The following CTIF variants were observed in gnomAD, a reference collection of about 807,000 sequenced individuals.
The protein encoded by CTIF is cap binding complex dependent translation initiation factor, also known as CBP80/20-dependent translation initiation factor.
In CTIF, 21 loss-of-function variants were observed where a neutral mutation model predicts 66.0. That is an observed-to-expected ratio of 0.32 (90% CI 0.23 to 0.46). CTIF has a LOEUF of 0.46. Ranked by LOEUF, CTIF falls within the 20% of genes least tolerant of loss-of-function variation. The probability of loss-of-function intolerance (pLI) is 1.00; values close to 1 mark genes in which losing one functional copy is unlikely to be tolerated. For synonymous variants in CTIF, 345 were observed against 326.4 expected, an observed-to-expected ratio of 1.06 and a Z score of -0.62; for missense variants, 739 against 812.7, an observed-to-expected ratio of 0.91 and a Z score of 1.10.
intron 7 of CTIF, among the ~76,000 whole-genome samples, chr18:48,718,724 C>A (rs919796591): frequency 2.0e-5 from 3 of 152,124 alleles, no homozygotes; most frequent in Admixed American, 6.5e-5. Context: ...AATGTCTTAC[C>A]AGCTAACTGG....
intron 3 of CTIF, among the ~76,000 whole-genome samples, chr18:48,657,964 T>C (rs889326536): frequency 6.6e-6 from 1 of 151,680 alleles, no homozygotes; most frequent in African/African-American, 2.4e-5. Flanking sequence ...GAGGTGAGGG[T>C]GGTGGGAGAG....
intron 1 of CTIF, among the ~76,000 whole-genome samples, chr18:48,550,904 G>C (rs181587671): frequency 4.6e-5 from 7 of 152,078 alleles, no homozygotes; most frequent in Non-Finnish European, 7.4e-5. Context: ...AACCAGTTCC[G>C]TGTGGCACTG....
intron 2 of CTIF, among the ~76,000 whole-genome samples, chr18:48,628,089 G>A (rs1281181193): frequency 6.6e-6 from 1 of 152,222 alleles, no homozygotes; most frequent in Admixed American, 6.5e-5. Flanking sequence ...CTTGGAAAGT[G>A]CTGACACTGT....
intron 9 of CTIF, among the ~76,000 whole-genome samples, chr18:48,794,130 G>C (rs1300739203): frequency 2.0e-5 from 3 of 152,154 alleles, no homozygotes; most frequent in Non-Finnish European, 4.4e-5. Flanking sequence ...CAATGCCCCA[G>C]GGCCATTCTA....
chr18:48,644,586 C>T (rs1224340355), intron 3 of CTIF, among the ~76,000 whole-genome samples: 1 of 152,224 alleles, frequency 6.6e-6, no homozygotes, highest in Non-Finnish European at 1.5e-5. Flanking sequence ...GCCACACTTA[C>T]TAAACAATGC....
intron 6 of CTIF, among the ~76,000 whole-genome samples, chr18:48,685,577 G>T (rs868826972): frequency 2.6e-5 from 4 of 152,160 alleles, no homozygotes; most frequent in Middle Eastern, 3.4e-3. Flanking sequence ...GTCCCTCTTC[G>T]TGCAGCTCAT....
At chr18:48,707,726 A>G (rs2086596) in intron 6 of CTIF, among the ~76,000 whole-genome samples, 3,351 of 152,254 alleles carry the variant, frequency 0.022, 39 homozygotes, top group Middle Eastern at 0.068. Flanking sequence ...GATATAATTT[A>G]CATACCATGA....
intron 7 of CTIF, among the ~76,000 whole-genome samples, chr18:48,724,781 G>A (rs1403021453): frequency 6.6e-6 from 1 of 152,234 alleles, no homozygotes; most frequent in Non-Finnish European, 1.5e-5. Flanking sequence ...CATGTCTGGA[G>A]GGCAAGCCCC....
intron 1 of CTIF, among the ~76,000 whole-genome samples, chr18:48,592,497 CAA>C (rs34825594): frequency 3.6e-4 from 42 of 117,576 alleles, no homozygotes; most frequent in Admixed American, 4.5e-4. Context: ...AACCCTGTCT[CAA>C]AAAAAAAAAA....
intron 6 of CTIF, among the ~76,000 whole-genome samples, chr18:48,678,041 C>T (rs1381087174): frequency 6.6e-6 from 1 of 152,202 alleles, no homozygotes; most frequent in African/African-American, 2.4e-5. Context: ...GATTGGAATC[C>T]AGGCAGCCTG....
At chr18:48,589,548 A>G (rs2089844537) in intron 1 of CTIF, among the ~76,000 whole-genome samples, 1 of 152,230 alleles carries the variant, frequency 6.6e-6, no homozygotes, top group Admixed American at 6.5e-5. Context: ...TAGGGGTCCA[A>G]CATGCCTTTT....
intron 6 of CTIF, among the ~76,000 whole-genome samples, chr18:48,686,138 T>C (rs1207283084): frequency 4.6e-5 from 7 of 152,224 alleles, no homozygotes; most frequent in African/African-American, 2.4e-5. Flanking sequence ...CAAATAGTGG[T>C]TTTAAAAAAT....
At chr18:48,798,231 C>T (rs531334788) in intron 9 of CTIF, among the ~76,000 whole-genome samples, 16 of 152,272 alleles carry the variant, frequency 1.1e-4, no homozygotes, top group Non-Finnish European at 2.1e-4. Flanking sequence ...CCAAGGAACC[C>T]TCAAATAAGT....
chr18:48,780,274 C>T (rs573914622), intron 9 of CTIF, among the ~76,000 whole-genome samples: 1 of 152,330 alleles, frequency 6.6e-6, no homozygotes, highest in South Asian at 2.1e-4. Flanking sequence ...CTGGGTTGCT[C>T]AGTCCTCTAG....
At chr18:48,577,006 G>A (rs189979579) in intron 1 of CTIF, among the ~76,000 whole-genome samples, 4 of 152,238 alleles carry the variant, frequency 2.6e-5, no homozygotes, top group African/African-American at 7.2e-5. Flanking sequence ...GATGATCTGC[G>A]GGGACAGGGT....
intron 9 of CTIF, among the ~76,000 whole-genome samples, chr18:48,799,523 C>T (rs562399083): frequency 1.3e-5 from 2 of 152,230 alleles, no homozygotes; most frequent in East Asian, 1.9e-4. Context: ...TATTTGTTAA[C>T]ATCGTGAGTG....
At chr18:48,620,976 A>AG (rs920554033) in intron 2 of CTIF, among the ~76,000 whole-genome samples, 2 of 139,686 alleles carry the variant, frequency 1.4e-5, no homozygotes, top group African/African-American at 2.5e-5. Context: ...GTCCTGAGGG[A>AG]GAAAAAAAAA....
chr18:48,544,354 T>C (rs1360491414), intron 1 of CTIF, among the ~76,000 whole-genome samples: 2 of 152,230 alleles, frequency 1.3e-5, no homozygotes, highest in African/African-American at 4.8e-5. Flanking sequence ...TGAGCCTTCA[T>C]GGTTAGTGGC....
chr18:48,765,831 C>G (rs1000952566), intron 9 of CTIF, among the ~76,000 whole-genome samples: 10 of 152,118 alleles, frequency 6.6e-5, no homozygotes, highest in African/African-American at 2.4e-4. Flanking sequence ...ACATCCAAGC[C>G]AATTCCTTTT....
Sources: allele counts gnomAD v4.1 joint callset (sites outside exome capture counted in the v4.1 genomes callset), GRCh38; gene constraint gnomAD v4.1.1; transcripts MANE v1.5; gene names NCBI Gene and HGNC (gene_info 2026-07-23, HGNC 2026-07-21).